The following SMIM35 variants were observed in gnomAD, a reference collection of about 807,000 sequenced individuals.
SMIM35 encodes the protein small integral membrane protein 35.
At chr11:118,036,827 A>T (rs1384535340) in intron 1 of SMIM35, among the ~76,000 whole-genome samples, 2 of 152,226 alleles carry the variant, frequency 1.3e-5, no homozygotes, top group Non-Finnish European at 2.9e-5. Context: ...GAGCTCCCAT[A>T]CAAAGGGAGG....
chr11:118,072,878 T>A (rs1944593854), intron 1 of SMIM35, among the ~76,000 whole-genome samples: 1 of 152,168 alleles, frequency 6.6e-6, no homozygotes, highest in African/African-American at 2.4e-5. Context: ...TTACAACATC[T>A]CTCTTAGGCA....
intron 1 of SMIM35, among the ~76,000 whole-genome samples, chr11:118,056,865 C>T (rs1944319379): frequency 1.3e-5 from 2 of 152,158 alleles, no homozygotes; most frequent in Admixed American, 1.3e-4. Context: ...CCTCTGCAAA[C>T]ACAGTTCCAG....
chr11:118,067,339 C>T (rs560222512), intron 1 of SMIM35: 48 of 152,282 alleles, frequency 3.2e-4, no homozygotes, highest in African/African-American at 1.1e-3. Flanking sequence ...GTTTGCTATG[C>T]TCATCAGGTG....
In SMIM35 at chr11:118,015,796, G is replaced by A; in HGVS notation, c.21C>T (p.Ile7=). 1 of 399,294 alleles carries A rather than the reference G, an allele frequency of 2.5e-6. No individual in the cohort carries two copies. Among genetic ancestry groups the A allele is most frequent in the Non-Finnish European group, 4.4e-6 (1 of 226,222 alleles). The allele number at this position is 399,294 out of a possible 1,614,324, so 24.7% of individuals were successfully genotyped here. ...CGCCAAGGATCAGGCCCAAGGTGCTGATGGAGTCCTCACCTGCAGAGACAT... is the reference window on the plus strand; with the variant it reads ...CGCCAAGGATCAGGCCCAAGGTGCTAATGGAGTCCTCACCTGCAGAGACAT... MTGEDS[I]STLGLILGVG... Residue 7 remains isoleucine, a synonymous_variant, in exon 2 of 5, where the codon ATC becomes ATT. Transcript: ENST00000689828.
chr11:118,067,911 A>T, intron 1 of SMIM35, among the ~76,000 whole-genome samples: 1 of 135,648 alleles, frequency 7.4e-6, no homozygotes, highest in African/African-American at 2.8e-5. Context: ...ATATATGAAA[A>T]GTTTAGTTGT....
intron 1 of SMIM35, among the ~76,000 whole-genome samples, chr11:118,048,593 G>A (rs1944147202): frequency 9.9e-6 from 1 of 100,988 alleles, no homozygotes; most frequent in Non-Finnish European, 2.2e-5. Flanking sequence ...AAGGAAGGAA[G>A]GAAGCAAGGA....
chr11:118,048,631 A>C (rs1944148317), intron 1 of SMIM35, among the ~76,000 whole-genome samples: 1 of 151,962 alleles, frequency 6.6e-6, no homozygotes, highest in Middle Eastern at 3.4e-3. Flanking sequence ...GGAGAGAGAG[A>C]GAGAAAGAGA....
chr11:118,023,877 A>T (rs2135040504), intron 1 of SMIM35, among the ~76,000 whole-genome samples: 1 of 152,238 alleles, frequency 6.6e-6, no homozygotes, highest in East Asian at 1.9e-4. Flanking sequence ...TACCAAAAAT[A>T]TAAAAAAATT....
intron 4 of SMIM35, among the ~76,000 whole-genome samples, chr11:118,012,401 T>A (rs1408312331): frequency 6.6e-6 from 1 of 152,242 alleles, no homozygotes; most frequent in East Asian, 1.9e-4. Context: ...CTACAGTGGA[T>A]TCCTGGTTTC....
intron 1 of SMIM35, among the ~76,000 whole-genome samples, chr11:118,052,781 C>T (rs574640399): frequency 6.6e-6 from 1 of 152,212 alleles, no homozygotes; most frequent in South Asian, 2.1e-4. Flanking sequence ...TGGGGCACTC[C>T]TGCTCACCCT....
chr11:118,014,800 C>A, intron 2 of SMIM35, 59 bp from the exon 3 acceptor site: 1 of 398,734 alleles, frequency 2.5e-6, no homozygotes, highest in Non-Finnish European at 4.4e-6. Flanking sequence ...GTCCGCCACC[C>A]TTCTAAGAAC....
At chr11:118,043,933 G>C (rs1261836449) in intron 1 of SMIM35, among the ~76,000 whole-genome samples, 1 of 151,674 alleles carries the variant, frequency 6.6e-6, no homozygotes, top group Non-Finnish European at 1.5e-5. Flanking sequence ...TTCTAAAATT[G>C]ACTGTAATGG....
At chr11:118,032,785 A>G (rs886257482) in intron 1 of SMIM35, among the ~76,000 whole-genome samples, 1 of 152,068 alleles carries the variant, frequency 6.6e-6, no homozygotes, top group Non-Finnish European at 1.5e-5. Context: ...GCAGGCGCCT[A>G]TAGTCCCACC....
intron 1 of SMIM35, among the ~76,000 whole-genome samples, chr11:118,074,229 CATG>C: frequency 6.6e-6 from 1 of 152,268 alleles, no homozygotes; most frequent in Non-Finnish European, 1.5e-5. Context: ...TCAGGAGTTT[CATG>C]ATAACTCTGC....
At chr11:118,051,693 C>T (rs1944216659) in intron 1 of SMIM35, among the ~76,000 whole-genome samples, 2 of 152,212 alleles carry the variant, frequency 1.3e-5, no homozygotes, top group African/African-American at 4.8e-5. Flanking sequence ...CCCACCTGTG[C>T]ACACCCTTAC....
chr11:118,027,704 A>G (rs74658850), intron 1 of SMIM35, among the ~76,000 whole-genome samples: 11,778 of 152,266 alleles, frequency 0.077, 1,298 homozygotes, highest in African/African-American at 0.25. Flanking sequence ...ACCCATTGCC[A>G]TCAGCCTACG....
At chr11:118,078,339 G>A (rs1257066188) in intron 1 of SMIM35, among the ~76,000 whole-genome samples, 1 of 152,180 alleles carries the variant, frequency 6.6e-6, no homozygotes, top group African/African-American at 2.4e-5. Flanking sequence ...GAAAGGGAAG[G>A]GAAGAGAGGA....
intron 1 of SMIM35, among the ~76,000 whole-genome samples, chr11:118,063,018 A>T (rs1373072280): frequency 6.6e-6 from 1 of 152,178 alleles, no homozygotes; most frequent in Non-Finnish European, 1.5e-5. Flanking sequence ...CACTCCCACC[A>T]GCGCCAAGAC....
At chr11:118,082,180 G>A (rs1392443413) in intron 1 of SMIM35, among the ~76,000 whole-genome samples, 2 of 152,182 alleles carry the variant, frequency 1.3e-5, no homozygotes, top group African/African-American at 4.8e-5. Context: ...CCCATGTTGT[G>A]CTTTGAGAAG....
Sources: gnomAD v4.1 joint callset for allele counts (sites outside exome capture counted in the v4.1 genomes callset) on GRCh38, gnomAD v4.1.1 for gene constraint, MANE v1.5 for transcripts, NCBI Gene and HGNC (gene_info 2026-07-23, HGNC 2026-07-21) for gene names.